Variants in JRK observed in about 807,000 individuals in gnomAD.
JRK encodes jerky protein homolog.
For synonymous variants in JRK, 303 were observed against 218.1 expected (o/e 1.39, Z -3.43); for missense variants, 720 against 509.2 (o/e 1.41, Z -3.98).
chr8:142,656,163 T>C (rs1846746987), downstream of JRK, among the ~76,000 whole-genome samples: 1 of 152,250 alleles, frequency 6.6e-6, no homozygotes, highest in African/African-American at 2.4e-5. Context: ...TGCCTCATAA[T>C]TATCTGTTGA....
At position 142,663,612 on chromosome 8, in the gene JRK, G is replaced by A. The variant is rs1587522389; in HGVS notation, c.*740C>T. ...TGTCCTCTATCCGGGTGATGAGCAG[G>A]GCCTGGTCAGCCACTCCTACTTTCT... On this transcript the variant is annotated 3_prime_UTR_variant, in exon 2 of 2. Transcript: ENST00000612905. 1.0e-6 allele frequency: 1 copy of A among 985,424 alleles called. No homozygotes were observed. Among genetic ancestry groups the A allele is most frequent in the African/African-American group, 1.7e-5 (1 of 57,348 alleles). 61.0% of individuals were successfully genotyped at this position (985,424 alleles called of 1,614,324 possible).
chr8:142,662,753 T>C lies in JRK; in HGVS notation c.*1599A>G. On this transcript the variant is annotated 3_prime_UTR_variant, in exon 2 of 2. Coordinates refer to ENST00000612905, the MANE Select transcript of JRK (RefSeq NM_003724.4). ...TCCTTCATGAGAACAGAGGTTTCAG[T>C]GGAATCAACAGCAGACGCTGGAATG... 2.0e-6 allele frequency: 2 copies of C among 985,350 alleles called. No individual in the cohort carries two copies. Among genetic ancestry groups the C allele is most frequent in the Non-Finnish European group, 2.4e-6 (2 of 829,918 alleles). The allele number at this position is 985,350 out of a possible 1,614,324, so 61.0% of individuals were successfully genotyped here.
chr8:142,652,405 G>A, the JRK span, among the ~76,000 whole-genome samples: 3 of 152,218 alleles, frequency 2.0e-5, no homozygotes, highest in Non-Finnish European at 4.4e-5. Flanking sequence ...ACATATGTAA[G>A]ATAAACATTG....
downstream of JRK, among the ~76,000 whole-genome samples, chr8:142,654,885 G>A (rs1218587265): frequency 6.9e-6 from 1 of 144,980 alleles, no homozygotes; most frequent in Non-Finnish European, 1.5e-5. Context: ...TCCCAACTAA[G>A]TGCCTCTCTC....
chr8:142,668,274 A>C (rs1777339221), intron 1 of JRK, among the ~76,000 whole-genome samples: 2 of 152,386 alleles, frequency 1.3e-5, no homozygotes, highest in South Asian at 4.1e-4. Context: ...GGAGGAGTGC[A>C]ATCAAATGCA....
In JRK at chr8:142,661,704, C is replaced by T; in HGVS notation, c.*2648G>A. The T allele has an allele frequency of 1.0e-6, 1 of 985,492 alleles. No individual in the cohort carries two copies. Among genetic ancestry groups the T allele is most frequent in the Non-Finnish European group, 1.2e-6 (1 of 829,970 alleles). 61.0% of individuals were successfully genotyped at this position (985,492 alleles called of 1,614,324 possible). On this transcript the variant is annotated 3_prime_UTR_variant, in exon 2 of 2. Transcript: ENST00000612905. ...CAGGGCTTCCCAGGGGCCTCAGCAG[C>T]CCCAGAAACAGAGTGAAGAGACACA...
In JRK at chr8:142,666,102, G is replaced by A. The variant is rs932082219; in HGVS notation, c.-44C>T. 1 of 1,564,384 alleles carries A rather than the reference G, an allele frequency of 6.4e-7. No individual in the cohort carries two copies. The highest frequency in any genetic ancestry group is 8.7e-7 in the Non-Finnish European group (1 of 1,154,962). On this transcript the variant is annotated 5_prime_UTR_variant, in exon 2 of 2. Transcript: ENST00000612905. ...CTAGCACTTGCAGGACACACGCCTG[G>A]CCTGGGCTGCTGCCACTACTTCCCT...
In JRK at chr8:142,662,106, C is replaced by T. The variant is rs1554634651; in HGVS notation, c.*2246G>A. The T allele has an allele frequency of 2.0e-6, 2 of 985,606 alleles. No homozygotes were observed. The highest frequency in any genetic ancestry group is 2.4e-6 in the Non-Finnish European group (2 of 830,164). 61.1% of individuals were successfully genotyped at this position (985,606 alleles called of 1,614,324 possible). A position where few individuals can be genotyped will look rare whatever the true frequency, so the allele number is the denominator to read the frequency against. On this transcript the variant is annotated 3_prime_UTR_variant, in exon 2 of 2. Transcript: ENST00000612905. ...TAGAGTCAGGCTCCAGGCCTTGCTG[C>T]AGTTGGTCTGGAAGAGGGGCACCCT...
chr8:142,654,830 C>T (rs1846719556), downstream of JRK, among the ~76,000 whole-genome samples: 1 of 151,964 alleles, frequency 6.6e-6, no homozygotes, highest in South Asian at 2.1e-4. Flanking sequence ...GCCCCAGGCC[C>T]TCCTCAGTGA....
In JRK at chr8:142,663,242, G is replaced by A; in HGVS notation, c.*1110C>T. ...CACAGGGCGTTCTGGAATCTCAGCT[G>A]CAGGCAGTGAGTGTTGCCCGTGAAA... On this transcript the variant is annotated 3_prime_UTR_variant, in exon 2 of 2. Transcript: ENST00000612905. 1 of 985,470 alleles carries A rather than the reference G, an allele frequency of 1.0e-6. No individual in the cohort carries two copies. Among genetic ancestry groups the A allele is most frequent in the Non-Finnish European group, 1.2e-6 (1 of 829,928 alleles). 61.0% of individuals were successfully genotyped at this position (985,470 alleles called of 1,614,324 possible). A position where few individuals can be genotyped will look rare whatever the true frequency, so the allele number is the denominator to read the frequency against.
In JRK at chr8:142,663,143, A is replaced by T; in HGVS notation, c.*1209T>A. On this transcript the variant is annotated 3_prime_UTR_variant, in exon 2 of 2. Transcript: ENST00000612905. ...ACTCCAGCCTGGTCAACAGAGTGAG[A>T]CCCTGCCTCAAGAAAAGAAAAGGAC... 1 of 982,774 alleles carries T rather than the reference A, an allele frequency of 1.0e-6. No homozygotes were observed. The highest frequency in any genetic ancestry group is 1.7e-5 in the African/African-American group (1 of 57,280). 60.9% of individuals were successfully genotyped at this position (982,774 alleles called of 1,614,324 possible).
chr8:142,654,753 C>T (rs1238659803), downstream of JRK, among the ~76,000 whole-genome samples: 1 of 151,974 alleles, frequency 6.6e-6, no homozygotes, highest in African/African-American at 2.4e-5. Flanking sequence ...CCAGCCACTC[C>T]CCAGCTCAAG....
At chr8:142,652,590 AG>A (rs143696529), downstream of JRK, among the ~76,000 whole-genome samples, 6,557 of 150,552 alleles carry the variant, frequency 0.044, 149 homozygotes, top group Non-Finnish European at 0.053. Context: ...GGAGACAGGG[AG>A]GGGCTCATTC....
Position 142,666,485 on chromosome 8 carries a change from T to G in JRK, c.-427A>C. On this transcript the variant is annotated 5_prime_UTR_variant, in exon 2 of 2. Coordinates refer to ENST00000612905, the MANE Select transcript of JRK (RefSeq NM_003724.4). ...ATAAGCAGCAGGTGCCTCTCCAGGG[T>G]CCACAATGGTATCTCCAGGCACAGC... 3.2e-6 allele frequency: 1 copy of G among 313,038 alleles called. No homozygotes were observed. Among genetic ancestry groups the G allele is most frequent in the South Asian group, 3.4e-5 (1 of 29,460 alleles). The allele number at this position is 313,038 out of a possible 1,614,324, so 19.4% of individuals were successfully genotyped here.
At position 142,665,061 on chromosome 8, in the gene JRK, T is replaced by C; in HGVS notation, c.998A>G (p.Gln333Arg). The C allele has an allele frequency of 1.4e-6, 1 of 717,408 alleles. No individual in the cohort carries two copies. The highest frequency in any genetic ancestry group is 2.6e-6 in the Non-Finnish European group (1 of 384,760). The allele number at this position is 717,408 out of a possible 1,614,324, so 44.4% of individuals were successfully genotyped here. ...CCTCATGAAATCTCTCCGAATGCCC[T>C]GCTCCATGGGCTGCACCAATGAGGC... is the stretch of plus-strand genomic sequence containing the variant. ...SVASLVQPME[Q>R]GIRRDFMRNF... is the part of the protein sequence containing the mutation. The change falls in exon 2 of 2, where the codon CAG (glutamine) becomes CGG (arginine). Residue 333 changes from glutamine to arginine, a missense_variant. Coordinates refer to ENST00000612905, the MANE Select transcript of JRK (RefSeq NM_003724.4).
At position 142,658,686 on chromosome 8, in the gene JRK, G is replaced by T; in HGVS notation, c.*5666C>A. The T allele has an allele frequency of 8.1e-7, 1 of 1,237,732 alleles. No homozygotes were observed. The highest frequency in any genetic ancestry group is 1.7e-5 in the South Asian group (1 of 59,138). The allele number at this position is 1,237,732 out of a possible 1,614,324, so 76.7% of individuals were successfully genotyped here. A position where few individuals can be genotyped will look rare whatever the true frequency, so the allele number is the denominator to read the frequency against. On this transcript the variant is annotated 3_prime_UTR_variant, in exon 2 of 2. Coordinates refer to ENST00000612905, the MANE Select transcript of JRK (RefSeq NM_003724.4). ...ACCTCCTAATACCACCCTCCTGGGGGTCAGGGTTTCAACATATAAACTTTG... is the reference window on the plus strand; with the variant it reads ...ACCTCCTAATACCACCCTCCTGGGGTTCAGGGTTTCAACATATAAACTTTG...
At chr8:142,651,828 T>G in the JRK span, among the ~76,000 whole-genome samples, 1 of 152,186 alleles carries the variant, frequency 6.6e-6, no homozygotes, top group African/African-American at 2.4e-5. Context: ...ATTCAGTTAC[T>G]TACCTAGGGA....
At chr8:142,667,330 G>A (rs1228008407) in intron 1 of JRK, among the ~76,000 whole-genome samples, 1 of 152,138 alleles carries the variant, frequency 6.6e-6, no homozygotes, top group Non-Finnish European at 1.5e-5. Flanking sequence ...CAGCCACACT[G>A]AGCCGCTGGT....
the JRK span, among the ~76,000 whole-genome samples, chr8:142,647,552 C>T: frequency 6.6e-6 from 1 of 152,156 alleles, no homozygotes; most frequent in Non-Finnish European, 1.5e-5. Flanking sequence ...CCTGCACAAG[C>T]TCTCTCTCTT....
Sources: gnomAD v4.1 joint callset for allele counts (sites outside exome capture counted in the v4.1 genomes callset) on GRCh38, gnomAD v4.1.1 for gene constraint, MANE v1.5 for transcripts, NCBI Gene and HGNC (gene_info 2026-07-23, HGNC 2026-07-21) for gene names.